Variants in PRKCH observed in about 807,000 individuals in gnomAD.
The protein encoded by PRKCH is protein kinase C eta type.
In PRKCH, 28 loss-of-function variants were observed where a neutral mutation model predicts 82.5. That is an observed-to-expected ratio of 0.34 (90% CI 0.25 to 0.47). The LOEUF (loss-of-function observed/expected upper bound fraction) is 0.47. Among genes scored for constraint, PRKCH ranks in the 20% least tolerant of loss-of-function variants. PRKCH has a pLI of 1.00. For missense variants in PRKCH, 705 were observed against 881.8 expected (o/e 0.80, Z 2.54); for synonymous variants, 322 against 327.4 (o/e 0.98, Z 0.18).
chr14:61,404,723 A>C (rs1350818808), intron 2 of PRKCH, among the ~76,000 whole-genome samples: 2 of 152,210 alleles, frequency 1.3e-5, no homozygotes, highest in African/African-American at 2.4e-5. Context: ...GTTTTGTTCA[A>C]ATCAGATGGT....
chr14:61,337,157 T>TTG (rs1406472877), intron 1 of PRKCH, among the ~76,000 whole-genome samples: 1 of 149,384 alleles, frequency 6.7e-6, no homozygotes, highest in African/African-American at 2.5e-5. Context: ...TTTTTTTTTT[T>TTG]TTTTGAGACA....
rs143418259 is a variant in PRKCH, at chr14:61,192,350, G to T, written c.-19+4682G>T. 1.4e-3 allele frequency among the ~76,000 whole-genome samples: 211 copies of T among 152,222 alleles called. 4 individuals carry two copies. The South Asian group carries it at 0.023, about 16-fold the overall frequency. On this transcript the variant is annotated intron_variant, in intron 1 of 3. Coordinates refer to the PRKCH transcript ENST00000555185. Reference sequence around the variant, plus strand: ...TAACAGTTAACAACTCTGAGCCTAGGTTTCTTCATCTGTTAAATACAGATA... The same window carrying T: ...TAACAGTTAACAACTCTGAGCCTAGTTTTCTTCATCTGTTAAATACAGATA...
At chr14:61,394,345 T>C (rs917696295) in intron 2 of PRKCH, among the ~76,000 whole-genome samples, 7 of 152,146 alleles carry the variant, frequency 4.6e-5, no homozygotes, top group Non-Finnish European at 5.9e-5. Context: ...CTTGGTATCT[T>C]TTATGTACAG....
intron 1 of PRKCH, among the ~76,000 whole-genome samples, chr14:61,208,882 T>C (rs151064112): frequency 6.6e-6 from 1 of 152,306 alleles, no homozygotes; most frequent in African/African-American, 2.4e-5. Context: ...GTTGTGGCCT[T>C]TGGGGGATAA....
In PRKCH at chr14:61,457,240, T is replaced by C. The variant is rs758615553; in HGVS notation, c.1025T>C (p.Ile342Thr). 6.2e-7 allele frequency: 1 copy of C among 1,614,102 alleles called. No individual in the cohort carries two copies. Among genetic ancestry groups the C allele is most frequent in the Non-Finnish European group, 8.5e-7 (1 of 1,180,000 alleles). The change falls in exon 8 of 14, where the codon ATT becomes ACT. Residue 342 changes from isoleucine (I) to threonine (T), a missense_variant. Transcript: ENST00000332981. Reference protein sequence around the residue: ...GKESSKEGNGIGVNSSNRLGI... With the variant: ...GKESSKEGNGTGVNSSNRLGI... ...GAGAGCAGCAAAGAAGGAAATGGGA[T>C]TGGGGTTAATTCTTCCAACCGACTT...
chr14:61,362,541 C>G (rs572108482), intron 1 of PRKCH, among the ~76,000 whole-genome samples: 3 of 152,262 alleles, frequency 2.0e-5, no homozygotes, highest in African/African-American at 7.2e-5. Flanking sequence ...CTAGACCACT[C>G]AGTTTTGACT....
chr14:61,329,234 C>CTTTTTTTCTTT (rs1476293025), intron 1 of PRKCH, among the ~76,000 whole-genome samples: 2,258 of 62,916 alleles, frequency 0.036, 255 homozygotes, highest in South Asian at 0.05. Context: ...ACTCCTGAGT[C>CTTTTTTTCTTT]TTTTTTTTTT....
At chr14:61,275,356 C>T (rs1437557366) in intron 1 of PRKCH, among the ~76,000 whole-genome samples, 2 of 152,178 alleles carry the variant, frequency 1.3e-5, no homozygotes, top group Non-Finnish European at 2.9e-5. Context: ...CATATAGTGT[C>T]AAGCACCTTG....
chr14:61,538,553 T>A (rs78219019), intron 12 of PRKCH, among the ~76,000 whole-genome samples: 4,144 of 152,310 alleles, frequency 0.027, 187 homozygotes, highest in African/African-American at 0.095. Context: ...TTTTTTAAAA[T>A]GTATTTTTAA....
At chr14:61,428,199 A>G (rs1240724652) in intron 2 of PRKCH, among the ~76,000 whole-genome samples, 3 of 151,552 alleles carry the variant, frequency 2.0e-5, no homozygotes, top group East Asian at 1.9e-4. Context: ...GGGTTTCACC[A>G]TGTTACCCAG....
intron 1 of PRKCH, among the ~76,000 whole-genome samples, chr14:61,384,136 A>G (rs781327780): frequency 3.9e-5 from 6 of 152,180 alleles, no homozygotes; most frequent in Non-Finnish European, 7.3e-5. Flanking sequence ...GAACGAAGGG[A>G]AAAACAGATG....
At position 61,401,435 on chromosome 14, in the gene PRKCH, A is replaced by G. The variant is rs142238451; in HGVS notation, c.427+10147A>G. On this transcript the variant is annotated intron_variant, in intron 2 of 13. Transcript: ENST00000332981. ...TTTTAAAATTCATTCTCAAAGTGTGATCCTGCAGACTTCTGAGAGTTCCAG... is the reference window on the plus strand; with the variant it reads ...TTTTAAAATTCATTCTCAAAGTGTGGTCCTGCAGACTTCTGAGAGTTCCAG... 3.0e-3 allele frequency among the ~76,000 whole-genome samples: 461 copies of G among 152,332 alleles called. 2 individuals carry two copies. Among genetic ancestry groups the G allele is most frequent in the African/African-American group, 0.011 (437 of 41,572 alleles).
At chr14:61,198,617 C>T (rs913455818) in intron 1 of PRKCH, among the ~76,000 whole-genome samples, 51 of 152,306 alleles carry the variant, frequency 3.3e-4, no homozygotes, top group African/African-American at 1.1e-3. Flanking sequence ...TCTCTATATT[C>T]CCAGTGTGAA....
chr14:61,309,814 C>T (rs762537641), intron 1 of PRKCH, among the ~76,000 whole-genome samples: 5 of 152,150 alleles, frequency 3.3e-5, no homozygotes, highest in Non-Finnish European at 5.9e-5. Flanking sequence ...AAGAACTGCC[C>T]GAGACTGGGA....
intron 1 of PRKCH, among the ~76,000 whole-genome samples, chr14:61,275,682 A>G (rs2045195695): frequency 6.6e-6 from 1 of 152,114 alleles, no homozygotes; most frequent in African/African-American, 2.4e-5. Flanking sequence ...TGCCCTCATC[A>G]TGGGTTTCCT....
intron 1 of PRKCH, among the ~76,000 whole-genome samples, chr14:61,301,542 A>G (rs958406068): frequency 3.9e-5 from 6 of 152,246 alleles, no homozygotes; most frequent in African/African-American, 1.4e-4. Context: ...GTGTGCATAC[A>G]GTGAAATGTA....
intron 1 of PRKCH, among the ~76,000 whole-genome samples, chr14:61,378,362 A>C (rs955628445): frequency 2.9e-4 from 44 of 151,970 alleles, no homozygotes; most frequent in African/African-American, 1.0e-3. Context: ...ACAAGCATGT[A>C]CCACCACATC....
chr14:61,476,818 T>C (rs558549300), intron 9 of PRKCH, among the ~76,000 whole-genome samples: 1 of 152,214 alleles, frequency 6.6e-6, no homozygotes, highest in Non-Finnish European at 1.5e-5. Flanking sequence ...TGCTGGGTGA[T>C]TGAATTAACC....
At chr14:61,455,776 T>A (rs1884739030) in intron 7 of PRKCH, among the ~76,000 whole-genome samples, 4 of 152,204 alleles carry the variant, frequency 2.6e-5, no homozygotes, top group Admixed American at 1.3e-4. Context: ...ATCTGTTGTC[T>A]AGTGGTAGCT....
Sources: allele counts gnomAD v4.1 joint callset (sites outside exome capture counted in the v4.1 genomes callset), GRCh38; gene constraint gnomAD v4.1.1; transcripts MANE v1.5; gene names NCBI Gene and HGNC (gene_info 2026-07-23, HGNC 2026-07-21).